The following MB21D2 variants were observed in gnomAD, a reference collection of about 807,000 sequenced individuals.
MB21D2 encodes nucleotidyltransferase MB21D2.
In MB21D2, 9 loss-of-function variants were observed where a neutral mutation model predicts 33.3. The observed-to-expected ratio is 0.27, with a 90% CI of 0.16 to 0.47. MB21D2 has a LOEUF of 0.47. Among genes scored for constraint, MB21D2 ranks in the 20% least tolerant of loss-of-function variants. The pLI is 0.99. For missense variants in MB21D2, 540 were observed against 624.6 expected, an observed-to-expected ratio of 0.86 and a Z score of 1.44; for synonymous variants, 241 against 236.3, an observed-to-expected ratio of 1.02 and a Z score of -0.18.
intron 1 of MB21D2, among the ~76,000 whole-genome samples, chr3:192,906,121 A>T (rs922711181): frequency 2.0e-5 from 3 of 152,214 alleles, no homozygotes; most frequent in Non-Finnish European, 2.9e-5. Flanking sequence ...ATCCCATGAA[A>T]GCTGCAGTTT....
At chr3:192,903,926 C>A (rs1482129596) in intron 1 of MB21D2, among the ~76,000 whole-genome samples, 2 of 152,168 alleles carry the variant, frequency 1.3e-5, no homozygotes, top group Non-Finnish European at 2.9e-5. Flanking sequence ...GAGGCTTCAC[C>A]AGAGGCTGAG....
intron 1 of MB21D2, among the ~76,000 whole-genome samples, chr3:192,867,126 C>G (rs1713188060): frequency 6.6e-6 from 1 of 152,128 alleles, no homozygotes; most frequent in Non-Finnish European, 1.5e-5. Context: ...GCATCAGTGG[C>G]TCACTGATGA....
intron 1 of MB21D2, among the ~76,000 whole-genome samples, chr3:192,885,929 C>T (rs978963805): frequency 4.6e-5 from 7 of 152,154 alleles, no homozygotes; most frequent in Non-Finnish European, 2.9e-5. Flanking sequence ...ATTTTCCTTA[C>T]GTCTTTAAAC....
chr3:192,907,347 T>C (rs1333296170), intron 1 of MB21D2, among the ~76,000 whole-genome samples: 1 of 152,062 alleles, frequency 6.6e-6, no homozygotes, highest in Non-Finnish European at 1.5e-5. Context: ...TTGGCTCAGG[T>C]GAAGAGCAGA....
intron 1 of MB21D2, among the ~76,000 whole-genome samples, chr3:192,862,034 C>A (rs898649473): frequency 1.3e-5 from 2 of 152,186 alleles, no homozygotes; most frequent in South Asian, 4.1e-4. Context: ...GCTCAAGGAA[C>A]ACAGTTTAGC....
chr3:192,803,453 G>A (rs1711596476), intron 1 of MB21D2, among the ~76,000 whole-genome samples: 1 of 152,072 alleles, frequency 6.6e-6, no homozygotes, highest in African/African-American at 2.4e-5. Context: ...AGTCCCTAAG[G>A]CCACACTGTT....
intron 1 of MB21D2, among the ~76,000 whole-genome samples, chr3:192,875,346 T>C (rs1047835690): frequency 2.6e-5 from 4 of 152,160 alleles, no homozygotes; most frequent in Non-Finnish European, 5.9e-5. Flanking sequence ...AATGGATGAA[T>C]GGATGAATAA....
Position 192,799,730 on chromosome 3 carries a change from G to A in MB21D2, c.212-80C>T, listed in dbSNP as rs980819321. On this transcript the variant is annotated intron_variant, in intron 1 of 1. Coordinates refer to ENST00000392452, the MANE Select transcript of MB21D2 (RefSeq NM_178496.4). This position sits in a 1 kb window ranked among gnomAD's most constrained non-coding sequence, Gnocchi z 4.1. Reference sequence around the variant, plus strand: ...TCTTATGCATGAAACAGAATGCTCTGATGTTCCAAGAACCAAAACTCATTA... The same window carrying A: ...TCTTATGCATGAAACAGAATGCTCTAATGTTCCAAGAACCAAAACTCATTA... The A allele has an allele frequency of 7.0e-7, 1 of 1,425,710 alleles. No homozygotes were observed. The allele number at this position is 1,425,710 out of a possible 1,614,324, so 88.3% of individuals were successfully genotyped here. A position where few individuals can be genotyped will look rare whatever the true frequency, so the allele number is the denominator to read the frequency against.
chr3:192,824,860 C>T (rs1437776009), intron 1 of MB21D2, among the ~76,000 whole-genome samples: 1 of 152,120 alleles, frequency 6.6e-6, no homozygotes, highest in Non-Finnish European at 1.5e-5. Flanking sequence ...CTCTTCTATG[C>T]CACATATAGA....
chr3:192,798,318 T>G lies in MB21D2; in HGVS notation c.*68A>C. 3 of 1,519,224 alleles carry G rather than the reference T, an allele frequency of 2.0e-6. No homozygotes were observed. Among genetic ancestry groups the G allele is most frequent in the Non-Finnish European group, 1.8e-6 (2 of 1,119,280 alleles). 94.1% of individuals were successfully genotyped at this position (1,519,224 alleles called of 1,614,324 possible). A position where few individuals can be genotyped will look rare whatever the true frequency, so the allele number is the denominator to read the frequency against. On this transcript the variant is annotated 3_prime_UTR_variant, in exon 2 of 2. Transcript: ENST00000392452. This position sits in a 1 kb window ranked among gnomAD's most constrained non-coding sequence, Gnocchi z 4.8. Reference sequence around the variant, plus strand: ...GCTGGATATGTAAAAAACAGAAAGATAGCATCACAAACCACACGACACATT... The same window carrying G: ...GCTGGATATGTAAAAAACAGAAAGAGAGCATCACAAACCACACGACACATT...
intron 1 of MB21D2, among the ~76,000 whole-genome samples, chr3:192,910,979 A>G (rs1714340085): frequency 6.6e-6 from 1 of 152,252 alleles, no homozygotes; most frequent in South Asian, 2.1e-4. Flanking sequence ...TGAAGTACAT[A>G]TAATGATTAA....
intron 1 of MB21D2, among the ~76,000 whole-genome samples, chr3:192,900,211 G>A (rs1452559918): frequency 6.6e-6 from 1 of 150,740 alleles, no homozygotes; most frequent in African/African-American, 2.4e-5. Flanking sequence ...GTGAACCCGG[G>A]AGGCGGAGCT....
intron 1 of MB21D2, among the ~76,000 whole-genome samples, chr3:192,902,505 C>A (rs2108652319): frequency 6.6e-6 from 1 of 152,334 alleles, no homozygotes; most frequent in Middle Eastern, 3.4e-3. Flanking sequence ...GTACTTGGAA[C>A]ATCGCCTAGC....
chr3:192,873,389 C>T (rs1217981318), intron 1 of MB21D2, among the ~76,000 whole-genome samples: 1 of 152,150 alleles, frequency 6.6e-6, no homozygotes, highest in Non-Finnish European at 1.5e-5. Context: ...ATTTATGATA[C>T]TAGGGTAAAG....
At chr3:192,873,757 C>T (rs145954841) in intron 1 of MB21D2, among the ~76,000 whole-genome samples, 318 of 152,118 alleles carry the variant, frequency 2.1e-3, no homozygotes, top group African/African-American at 7.2e-3. Context: ...GGCTGGAGTA[C>T]AGTGGGGAAG....
intron 1 of MB21D2, among the ~76,000 whole-genome samples, chr3:192,890,003 CAT>C (rs763842089): frequency 8.6e-5 from 13 of 152,004 alleles, no homozygotes; most frequent in Non-Finnish European, 1.9e-4. Flanking sequence ...AGAAATAACA[CAT>C]GTCTAATGCC....
intron 1 of MB21D2, among the ~76,000 whole-genome samples, chr3:192,849,064 T>A (rs147944108): frequency 6.6e-6 from 1 of 152,174 alleles, no homozygotes; most frequent in Non-Finnish European, 1.5e-5. Flanking sequence ...AGTTTTGTTA[T>A]GAGATTCTCA....
intron 1 of MB21D2, among the ~76,000 whole-genome samples, chr3:192,842,531 C>T (rs1280101071): frequency 6.6e-6 from 1 of 152,082 alleles, no homozygotes; most frequent in African/African-American, 2.4e-5. Context: ...TAAATCAACT[C>T]GGCCACAAGA....
Position 192,828,584 on chromosome 3 carries a change from C to A in MB21D2, c.212-28934G>T, listed in dbSNP as rs1193894303. ...TATACTTTATATACAATAAAACTCA[C>A]CCCCCCCATATATATATATATATAT... On this transcript the variant is annotated intron_variant, in intron 1 of 1. Transcript: ENST00000392452. Among the ~76,000 whole-genome samples the A allele has an allele frequency of 3.2e-4, 10 of 31,400 alleles. 1 individual carries two copies. Among genetic ancestry groups the A allele is most frequent in the Non-Finnish European group, 6.2e-5 (1 of 16,078 alleles). The allele number at this position is 31,400 out of a possible 152,430, so 20.6% of individuals were successfully genotyped here. A position where few individuals can be genotyped will look rare whatever the true frequency, so the allele number is the denominator to read the frequency against.
Sources: gnomAD v4.1 joint callset for allele counts (sites outside exome capture counted in the v4.1 genomes callset) on GRCh38, gnomAD v4.1.1 for gene constraint, Gnocchi (gnomAD v3.1) non-coding constraint, MANE v1.5 for transcripts, NCBI Gene and HGNC (gene_info 2026-07-23, HGNC 2026-07-21) for gene names.